Variants in ZNF112 observed in about 807,000 individuals in gnomAD.
The protein encoded by ZNF112 is zinc finger protein 112 (Y14).
In ZNF112, 37 loss-of-function variants were observed where a neutral mutation model predicts 77.7. The ratio of observed to expected loss-of-function variants is 0.48; its 90% CI spans 0.37 to 0.63. ZNF112 has a LOEUF of 0.63. Ranked by LOEUF, ZNF112 falls within the 20% of genes least tolerant of loss-of-function variation. The pLI, the probability that ZNF112 is intolerant of heterozygous loss-of-function variation, is 0.00. For missense variants in ZNF112, 950 were observed against 1,077.4 expected, an observed-to-expected ratio of 0.88 and a Z score of 1.66; for synonymous variants, 333 against 363.6, an observed-to-expected ratio of 0.92 and a Z score of 0.96.
Position 44,328,102 on chromosome 19 carries a change from C to T in ZNF112, c.2055G>A (p.Lys685=). ...LAHQRVHTGE[K]PYQCDECGKS... is the part of the protein sequence containing the mutation. The stretch of plus-strand genomic sequence containing the variant: ...TACCACACTCATCACATTGGTATGG[C>T]TTCTCTCCCGTGTGGACCCTCTGAT... The change falls in exon 4 of 4, where the codon AAG becomes AAA. Residue 685 remains lysine, a synonymous_variant. Transcript: ENST00000354340. 1 of 1,613,480 alleles carries T rather than the reference C, an allele frequency of 6.2e-7. No individual in the cohort carries two copies.
intron 1 of ZNF112, among the ~76,000 whole-genome samples, chr19:44,348,826 T>G (rs1336763640): frequency 6.6e-6 from 1 of 152,034 alleles, no homozygotes; most frequent in Non-Finnish European, 1.5e-5. Flanking sequence ...ATGCATATAT[T>G]AGAAAAGAGG....
chr19:44,360,264 A>AAG (rs1261460831), upstream of ZNF112, among the ~76,000 whole-genome samples: 21 of 151,606 alleles, frequency 1.4e-4, no homozygotes, highest in Non-Finnish European at 2.5e-4. Flanking sequence ...CAAGAAAAAA[A>AAG]AAAAGAAAAG....
chr19:44,347,538 G>A (rs1293856382), intron 1 of ZNF112, among the ~76,000 whole-genome samples: 1 of 55,296 alleles, frequency 1.8e-5, no homozygotes, highest in Non-Finnish European at 3.7e-5. Context: ...ATTAGCTTTT[G>A]GCTATATGTC....
intron 1 of ZNF112, among the ~76,000 whole-genome samples, chr19:44,346,544 T>C (rs1214283806): frequency 3.9e-5 from 6 of 152,166 alleles, no homozygotes; most frequent in Admixed American, 3.3e-4. Context: ...GAAAAATCTA[T>C]TGGCTTCAGC....
At chr19:44,334,238 G>A (rs1320592013) in intron 3 of ZNF112, among the ~76,000 whole-genome samples, 2 of 152,168 alleles carry the variant, frequency 1.3e-5, no homozygotes, top group Non-Finnish European at 2.9e-5. Context: ...GGATGATTTA[G>A]GTTATCTGGT....
chr19:44,351,782 G>A (rs1970697324), intron 1 of ZNF112, among the ~76,000 whole-genome samples: 1 of 151,980 alleles, frequency 6.6e-6, no homozygotes, highest in South Asian at 2.1e-4. Context: ...AACTCCTGAT[G>A]AAGAACAAAA....
At chr19:44,362,198 T>TATTGG (rs1334363616) in intron 1 of ZNF112, among the ~76,000 whole-genome samples, 2 of 151,708 alleles carry the variant, frequency 1.3e-5, no homozygotes, top group African/African-American at 2.4e-5. Flanking sequence ...CAAAATCTCA[T>TATTGG]ATTGGAAGGA....
At chr19:44,347,214 G>A (rs1167368599) in intron 1 of ZNF112, among the ~76,000 whole-genome samples, 1 of 152,238 alleles carries the variant, frequency 6.6e-6, no homozygotes, top group East Asian at 1.9e-4. Flanking sequence ...TATTAATATA[G>A]CCACTCCGTA....
chr19:44,351,449 T>C lies in ZNF112; in HGVS notation c.-4+5177A>G, dbSNP rs566933599. 6.5e-4 allele frequency among the ~76,000 whole-genome samples: 99 copies of C among 152,240 alleles called. 1 individual carries two copies. The highest frequency in any genetic ancestry group is 2.2e-3 in the African/African-American group (92 of 41,564). ...ATCAGTATTTCATAGGACCTATTTG[T>C]TTAAAAAATTTCTTTTCAAAGATAA... On this transcript the variant is annotated intron_variant, in intron 1 of 3. Coordinates refer to ENST00000354340, the MANE Select transcript of ZNF112 (RefSeq NM_013380.4).
At chr19:44,363,265 C>G (rs1468127333) in intron 1 of ZNF112, among the ~76,000 whole-genome samples, 1 of 152,160 alleles carries the variant, frequency 6.6e-6, no homozygotes, top group African/African-American at 2.4e-5. Flanking sequence ...GCCACTGTGC[C>G]TAGCCCTGAA....
intron 1 of ZNF112, among the ~76,000 whole-genome samples, chr19:44,347,838 C>T (rs540399583): frequency 4.3e-4 from 65 of 152,156 alleles, no homozygotes; most frequent in South Asian, 1.0e-3. Flanking sequence ...GGTGCTCTTT[C>T]ATCATTTCTG....
At chr19:44,341,156 A>G in intron 1 of ZNF112, 1 of 456,712 alleles carries the variant, frequency 2.2e-6, no homozygotes, top group Non-Finnish European at 4.4e-6. Context: ...TAAAGCATGG[A>G]AAACAGCACC....
chr19:44,329,270 T>G lies in ZNF112; in HGVS notation c.887A>C (p.His296Pro). The change falls in exon 4 of 4, where the codon CAT becomes CCT. Residue 296 changes from histidine to proline, a missense_variant. This residue lies in a region of ZNF112 where 560 missense variants were observed against 557.3 expected (regional missense o/e 1.00). Coordinates refer to ENST00000354340, the MANE Select transcript of ZNF112 (RefSeq NM_013380.4). ...TTCTCTCTCAATATTTTGATGAATA[T>G]GAAGAAGTGAACTATAATTACAGCC... ...GKGCNYSSLL[H>P]IHQNIEREDD... 6.2e-7 allele frequency: 1 copy of G among 1,613,956 alleles called. No individual in the cohort carries two copies. Among genetic ancestry groups the G allele is most frequent in the Admixed American group, 1.7e-5 (1 of 59,976 alleles).
intron 1 of ZNF112, among the ~76,000 whole-genome samples, chr19:44,353,887 C>T (rs554679871): frequency 1.1e-4 from 8 of 74,496 alleles, no homozygotes; most frequent in Non-Finnish European, 1.9e-4. Flanking sequence ...TCGTACCCTA[C>T]AGAAATAAGC....
chr19:44,328,486 A>C lies in ZNF112; in HGVS notation c.1671T>G (p.Ser557Arg), dbSNP rs559269586. Residue 557 changes from serine (S) to arginine (R), a missense_variant, in exon 4 of 4, where the codon AGT (serine) becomes AGG (arginine). Physicochemically the swap from Ser to Arg is moderately radical, Grantham distance 110. Coordinates refer to ENST00000354340, the MANE Select transcript of ZNF112 (RefSeq NM_013380.4). The stretch of plus-strand genomic sequence containing the variant: ...GATGGGCTTGAAGATATGAACTCCG[A>C]CTGAATCCCTTATCACATTCCTCGC... ...YKCEECDKGF[S>R]RSSYLQAHQR... The C allele has an allele frequency of 5.5e-5, 88 of 1,613,264 alleles. No homozygotes were observed. Among genetic ancestry groups the C allele is most frequent in the Non-Finnish European group, 7.1e-5 (84 of 1,179,664 alleles).
intron 1 of ZNF112, chr19:44,341,276 A>T (rs1970485044): frequency 2.2e-6 from 1 of 445,888 alleles, no homozygotes; most frequent in Admixed American, 2.5e-5. Context: ...ATGGTCTAGA[A>T]TATAATAATT....
Position 44,328,372 on chromosome 19 carries a change from T to C in ZNF112, c.1785A>G (p.Arg595=). The C allele has an allele frequency of 1.2e-6, 2 of 1,611,318 alleles. No individual in the cohort carries two copies. Among genetic ancestry groups the C allele is most frequent in the Middle Eastern group, 1.7e-4 (1 of 6,050 alleles). ...SRNSYLQGHQ[R]VHTGEKPYKC... is the part of the protein sequence containing the mutation. ...TGTATGGTTTTTCTCCAGTGTGAACTCTCTGATGGCCTTGAAGGTATGAAT... is the reference window on the plus strand; with the variant it reads ...TGTATGGTTTTTCTCCAGTGTGAACCCTCTGATGGCCTTGAAGGTATGAAT... Residue 595 remains arginine, a synonymous_variant, in exon 4 of 4, where the codon AGA becomes AGG. Coordinates refer to ENST00000354340, the MANE Select transcript of ZNF112 (RefSeq NM_013380.4).
intron 3 of ZNF112, among the ~76,000 whole-genome samples, chr19:44,331,060 T>C (rs1216855682): frequency 6.6e-6 from 1 of 152,246 alleles, no homozygotes; most frequent in Admixed American, 6.5e-5. Context: ...CTTCAGATTA[T>C]GAGACTAACG....
At chr19:44,343,371 T>C (rs1970527823) in intron 1 of ZNF112, 1 of 1,301,286 alleles carries the variant, frequency 7.7e-7, no homozygotes, top group Admixed American at 1.9e-5. Flanking sequence ...TTGTGCAAAT[T>C]AGAAAAAGGT....
Sources: allele counts gnomAD v4.1 joint callset (sites outside exome capture counted in the v4.1 genomes callset), GRCh38; gene constraint gnomAD v4.1.1; regional missense constraint gnomAD v4.1.1; transcripts MANE v1.5; gene names NCBI Gene and HGNC (gene_info 2026-07-23, HGNC 2026-07-21).